Variants in PCDHGC3 observed in about 807,000 individuals in gnomAD.
The protein encoded by PCDHGC3 is protocadherin gamma subfamily C, 3, also known as protocadherin gamma-C3.
In PCDHGC3, 26 loss-of-function variants were observed where a neutral mutation model predicts 59.2. The observed-to-expected ratio is 0.44, with a 90% CI of 0.32 to 0.61. The LOEUF is 0.61. Among genes scored for constraint, PCDHGC3 ranks in the 20% least tolerant of loss-of-function variants. The pLI is 0.05. For synonymous variants in PCDHGC3, 487 were observed against 519.7 expected (o/e 0.94, Z 0.86); for missense variants, 1,080 against 1,221.8 (o/e 0.88, Z 1.73).
chr5:141,503,268 C>A (rs1038268807), intron 2 of PCDHGC3, among the ~76,000 whole-genome samples: 6 of 152,068 alleles, frequency 3.9e-5, no homozygotes, highest in African/African-American at 7.2e-5. Context: ...AACCCCAGCA[C>A]CTGGCTCTGT....
At position 141,487,610 on chromosome 5, in the gene PCDHGC3, C is replaced by A; in HGVS notation, c.2431-7197C>A. On this transcript the variant is annotated intron_variant, in intron 1 of 3. Transcript: ENST00000308177. The surrounding 1 kb of genome is among the most constrained non-coding windows in gnomAD (Gnocchi z 5.0). ...CCCACCCTCTGATCTTCTCTATGGG[C>A]TAGAGGTGAGACCTTTGCAGGCTCA... The A allele has an allele frequency of 6.2e-7, 1 of 1,614,190 alleles. No homozygotes were observed. The highest frequency in any genetic ancestry group is 1.1e-5 in the South Asian group (1 of 91,078).
intron 1 of PCDHGC3, among the ~76,000 whole-genome samples, chr5:141,479,935 A>C (rs1226362422): frequency 1.3e-5 from 2 of 152,232 alleles, no homozygotes. Context: ...CATCATTGCT[A>C]TCAACTCTTG....
In PCDHGC3 at chr5:141,511,599, C is replaced by G; in HGVS notation, c.*426C>G. 4.0e-6 allele frequency: 1 copy of G among 252,540 alleles called. No homozygotes were observed. Among genetic ancestry groups the G allele is most frequent in the South Asian group, 5.2e-5 (1 of 19,398 alleles). 15.6% of individuals were successfully genotyped at this position (252,540 alleles called of 1,614,324 possible). ...GTTGGGGTGTTGAAGTACCAAGTAA[C>G]CTACAAGCCTCCTAGTTCTGAAAAG... On this transcript the variant is annotated 3_prime_UTR_variant, in exon 4 of 4. Coordinates refer to ENST00000308177, the MANE Select transcript of PCDHGC3 (RefSeq NM_002588.4).
rs2099698809 is a variant in PCDHGC3 at position 141,490,343 on chromosome 5, T to C, written c.2431-4464T>C. On this transcript the variant is annotated intron_variant, in intron 1 of 3. Transcript: ENST00000308177. This position sits in a 1 kb window ranked among gnomAD's most constrained non-coding sequence, Gnocchi z 5.4. ...CTAGAGAGCACACCAGTGGGCACAG[T>C]AGTGGGGTTGTTTAATGTGCGAGAC... The C allele has an allele frequency of 6.2e-7, 1 of 1,614,018 alleles. No individual in the cohort carries two copies. Among genetic ancestry groups the C allele is most frequent in the Admixed American group, 1.7e-5 (1 of 60,006 alleles).
Position 141,476,036 on chromosome 5 carries a change from A to T in PCDHGC3, c.-81A>T. ...ATGTCGGACTCGGCGCCCAGCGCCC[A>T]AGCGCTAACCCGCTGAAAGTTTCTC... On this transcript the variant is annotated 5_prime_UTR_variant, in exon 1 of 4. Coordinates refer to ENST00000308177, the MANE Select transcript of PCDHGC3 (RefSeq NM_002588.4). This position sits in a 1 kb window ranked among gnomAD's most constrained non-coding sequence, Gnocchi z 7.6. 1.4e-6 allele frequency: 2 copies of T among 1,471,164 alleles called. No individual in the cohort carries two copies. The highest frequency in any genetic ancestry group is 1.8e-6 in the Non-Finnish European group (2 of 1,106,602). 91.1% of individuals were successfully genotyped at this position (1,471,164 alleles called of 1,614,324 possible).
intron 2 of PCDHGC3, among the ~76,000 whole-genome samples, chr5:141,495,943 C>T (rs998665622): frequency 3.9e-5 from 6 of 152,010 alleles, no homozygotes; most frequent in African/African-American, 1.4e-4. Flanking sequence ...GTCTCTGTGC[C>T]TGTTGTCTTT....
intron 1 of PCDHGC3, among the ~76,000 whole-genome samples, chr5:141,483,644 G>GTGTT (rs919432945): frequency 6.8e-6 from 1 of 146,522 alleles, no homozygotes; most frequent in Non-Finnish European, 1.5e-5. Flanking sequence ...AGAGGGGTGT[G>GTGTT]TGTTTGTGTG....
rs1437533706 is a variant in PCDHGC3, at chr5:141,511,419, G to C, written c.*246G>C. On this transcript the variant is annotated 3_prime_UTR_variant, in exon 4 of 4. Transcript: ENST00000308177. ...ATCCAATCAACTGCTGTACCCATGG[G>C]GGTAGTGGGGTTACTGTAGACACCA... The C allele has an allele frequency of 2.4e-6, 2 of 830,456 alleles. No individual in the cohort carries two copies. The highest frequency in any genetic ancestry group is 5.8e-5 in the East Asian group (2 of 34,260). 51.4% of individuals were successfully genotyped at this position (830,456 alleles called of 1,614,324 possible).
chr5:141,507,810 G>A (rs550331241), intron 3 of PCDHGC3, among the ~76,000 whole-genome samples: 1 of 152,290 alleles, frequency 6.6e-6, no homozygotes, highest in African/African-American at 2.4e-5. Context: ...CCTGGGGAAC[G>A]GACCCTGGGG....
In PCDHGC3 at chr5:141,487,598, C is replaced by T. The variant is rs1450685717; in HGVS notation, c.2431-7209C>T. 6.2e-7 allele frequency: 1 copy of T among 1,614,210 alleles called. No homozygotes were observed. The highest frequency in any genetic ancestry group is 8.5e-7 in the Non-Finnish European group (1 of 1,180,046). ...TCGCCCAAGCTGCCCACCCTCTGAT[C>T]TTCTCTATGGGCTAGAGGTGAGACC... is the stretch of plus-strand genomic sequence containing the variant. On this transcript the variant is annotated intron_variant, in intron 1 of 3. Transcript: ENST00000308177. The surrounding 1 kb of genome is among the most constrained non-coding windows in gnomAD (Gnocchi z 5.0).
rs1358652557 is a variant in PCDHGC3, at chr5:141,478,042, G to A, written c.1926G>A (p.Gln642=). Residue 642 remains glutamine, a synonymous_variant, in exon 1 of 4, where the codon CAG becomes CAA. Transcript: ENST00000308177. ...RPVQDTDSPR[Q]TLTVLIKDNG... is the part of the protein sequence containing the mutation. ...TCCAAGACACAGATTCACCCAGGCA[G>A]ACTCTCACGGTCTTGATCAAAGACA... The A allele has an allele frequency of 1.1e-5, 18 of 1,614,152 alleles. No homozygotes were observed. Among genetic ancestry groups the A allele is most frequent in the Non-Finnish European group, 1.5e-5 (18 of 1,180,032 alleles).
Position 141,511,065 on chromosome 5 carries a change from C to T in PCDHGC3, c.2697C>T (p.Ile899=). Residue 899 remains isoleucine, a synonymous_variant, in exon 4 of 4, where the codon ATC becomes ATT. Transcript: ENST00000308177. ...HVPDYRQNVY[I]PGSNATLTNA... ...CCGACTACCGCCAGAATGTCTACATCCCAGGCAGCAATGCCACACTGACCA... is the reference window on the plus strand; with the variant it reads ...CCGACTACCGCCAGAATGTCTACATTCCAGGCAGCAATGCCACACTGACCA... The T allele has an allele frequency of 6.2e-7, 1 of 1,614,222 alleles. No individual in the cohort carries two copies. Among genetic ancestry groups the T allele is most frequent in the Middle Eastern group, 1.6e-4 (1 of 6,062 alleles).
intron 1 of PCDHGC3, among the ~76,000 whole-genome samples, chr5:141,488,571 A>G (rs2099677106): frequency 6.6e-6 from 1 of 152,194 alleles, no homozygotes; most frequent in East Asian, 1.9e-4. Flanking sequence ...TCCGCAAAGC[A>G]TTGCTGGAGA....
rs2099883762 is a variant in PCDHGC3, at chr5:141,511,396, C to T, written c.*223C>T. 9.8e-7 allele frequency: 1 copy of T among 1,016,834 alleles called. No homozygotes were observed. Among genetic ancestry groups the T allele is most frequent in the South Asian group, 1.7e-5 (1 of 58,996 alleles). The allele number at this position is 1,016,834 out of a possible 1,614,324, so 63.0% of individuals were successfully genotyped here. ...AAGCAGTTCCGCTGGGAACCCCCAT[C>T]CAATCAACTGCTGTACCCATGGGGG... On this transcript the variant is annotated 3_prime_UTR_variant, in exon 4 of 4. Coordinates refer to ENST00000308177, the MANE Select transcript of PCDHGC3 (RefSeq NM_002588.4).
chr5:141,491,434 A>T lies in PCDHGC3; in HGVS notation c.2431-3373A>T. 6.2e-7 allele frequency: 1 copy of T among 1,614,032 alleles called. No homozygotes were observed. Among genetic ancestry groups the T allele is most frequent in the Non-Finnish European group, 8.5e-7 (1 of 1,179,988 alleles). On this transcript the variant is annotated intron_variant, in intron 1 of 3. Transcript: ENST00000308177. The surrounding 1 kb of genome is among the most constrained non-coding windows in gnomAD (Gnocchi z 6.9). ...GGACGGGGGTGGAGGGCAGTGCTGC[A>T]GGCGCCAGGACTCACCCTCCCCGGA...
chr5:141,492,942 G>A (rs897160295), intron 1 of PCDHGC3, among the ~76,000 whole-genome samples: 3 of 152,220 alleles, frequency 2.0e-5, no homozygotes, highest in African/African-American at 7.2e-5. Context: ...GAGATTTGGA[G>A]GTGACCAAAC....
rs111263562 is a variant in PCDHGC3, at chr5:141,487,812, T to C, written c.2431-6995T>C. The C allele has an allele frequency of 1.1e-4, 148 of 1,408,204 alleles. 1 individual carries two copies. Among genetic ancestry groups the C allele is most frequent in the South Asian group, 1.6e-4 (12 of 73,988 alleles). The allele number at this position is 1,408,204 out of a possible 1,614,324, so 87.2% of individuals were successfully genotyped here. On this transcript the variant is annotated intron_variant, in intron 1 of 3. Coordinates refer to ENST00000308177, the MANE Select transcript of PCDHGC3 (RefSeq NM_002588.4). The surrounding 1 kb of genome is among the most constrained non-coding windows in gnomAD (Gnocchi z 5.0). ...TAACCAGAGTTGTCACAGTTTAGCA[T>C]TGGGGGCGGGTCATGCCTATATCTG...
intron 2 of PCDHGC3, among the ~76,000 whole-genome samples, chr5:141,504,451 G>A (rs2099838355): frequency 1.3e-5 from 2 of 152,070 alleles, no homozygotes; most frequent in South Asian, 4.2e-4. Context: ...CTAGTGCCAT[G>A]TGGGGCAGCC....
At chr5:141,501,328 CA>C (rs1446948770) in intron 2 of PCDHGC3, among the ~76,000 whole-genome samples, 83 of 151,828 alleles carry the variant, frequency 5.5e-4, no homozygotes, top group Admixed American at 2.2e-3. Context: ...CACACACACA[CA>C]CACACCCCAA....
Sources: gnomAD v4.1 joint callset for allele counts (sites outside exome capture counted in the v4.1 genomes callset) on GRCh38, gnomAD v4.1.1 for gene constraint, Gnocchi (gnomAD v3.1) non-coding constraint, MANE v1.5 for transcripts, NCBI Gene and HGNC (gene_info 2026-07-23, HGNC 2026-07-21) for gene names.